The following PCDHA6 variants were observed in gnomAD, a reference collection of about 807,000 sequenced individuals.
The protein encoded by PCDHA6 is protocadherin alpha 6, also known as protocadherin alpha-6.
A neutral mutation model predicts 60.3 loss-of-function variants in PCDHA6; 55 were observed. That is an observed-to-expected ratio of 0.91 (90% CI 0.73 to 1.14). The LOEUF (loss-of-function observed/expected upper bound fraction) is 1.14. Ranked by LOEUF, PCDHA6 falls within the 50% of genes most tolerant of loss-of-function variation. The pLI, the probability that PCDHA6 is intolerant of heterozygous loss-of-function variation, is 0.00. For synonymous variants in PCDHA6, 652 were observed against 557.9 expected, an observed-to-expected ratio of 1.17 and a Z score of -2.38; for missense variants, 1,327 against 1,256.5, an observed-to-expected ratio of 1.06 and a Z score of -0.85.
In PCDHA6 at chr5:140,882,894, G is replaced by A. The variant is rs1554176001; in HGVS notation, c.2394+52409G>A. The A allele has an allele frequency of 5.6e-6, 9 of 1,614,190 alleles. No homozygotes were observed. The East Asian group carries it at 1.3e-4, about 24-fold the overall frequency. The stretch of plus-strand genomic sequence containing the variant: ...GACAGAGAGGAAATTCAGGAACATA[G>A]TTTATTACTGACAGCCAGTGATGGA... On this transcript the variant is annotated intron_variant, in intron 1 of 3. Coordinates refer to ENST00000529310, the MANE Select transcript of PCDHA6 (RefSeq NM_018909.4).
chr5:140,855,736 A>T (rs1422055740), intron 1 of PCDHA6: 3 of 305,736 alleles, frequency 9.8e-6, no homozygotes, highest in African/African-American at 6.5e-5. Context: ...CTATAAAGAG[A>T]CGTAATGTGA....
At chr5:140,931,269 C>T (rs1253190149) in intron 1 of PCDHA6, among the ~76,000 whole-genome samples, 1 of 152,006 alleles carries the variant, frequency 6.6e-6, no homozygotes, top group Non-Finnish European at 1.5e-5. Context: ...CTATTTATTT[C>T]TTTTATTTTC....
chr5:140,952,615 C>T (rs572552032), intron 1 of PCDHA6, among the ~76,000 whole-genome samples: 1 of 152,288 alleles, frequency 6.6e-6, no homozygotes, highest in East Asian at 1.9e-4. Context: ...TCTCCCTCAT[C>T]TTCCCTCCAC....
chr5:140,897,727 T>G (rs1468942464), intron 1 of PCDHA6, among the ~76,000 whole-genome samples: 1 of 152,148 alleles, frequency 6.6e-6, no homozygotes, highest in Non-Finnish European at 1.5e-5. Context: ...CTGGGTCAAA[T>G]AGTATTTCTA....
intron 1 of PCDHA6, chr5:140,856,004 T>C (rs782001586): frequency 6.5e-7 from 1 of 1,538,284 alleles, no homozygotes; most frequent in Non-Finnish European, 8.8e-7. Context: ...GTATGTGCGT[T>C]CTAGACCGCT....
At chr5:140,978,319 A>G (rs1294780698) in intron 1 of PCDHA6, among the ~76,000 whole-genome samples, 2 of 152,216 alleles carry the variant, frequency 1.3e-5, no homozygotes, top group Admixed American at 1.3e-4. Context: ...AGCAGGAACA[A>G]GTACAAGTTT....
rs2150156420 is a variant in PCDHA6 at position 140,828,525 on chromosome 5, C to A, written c.434C>A (p.Ser145Tyr). Residue 145 changes from serine (S) to tyrosine (Y), a missense_variant, in exon 1 of 4, where the codon TCT becomes TAT. Coordinates refer to ENST00000529310, the MANE Select transcript of PCDHA6 (RefSeq NM_018909.4). ...GAACAAAGAGTGCTGATTTACGAAT[C>A]TAGGCTGCCAGATTCTGTGTTTCCA... ...VEEQRVLIYE[S>Y]RLPDSVFPLE... is the part of the protein sequence containing the mutation. 1.9e-6 allele frequency: 3 copies of A among 1,614,244 alleles called. No individual in the cohort carries two copies. Among genetic ancestry groups the A allele is most frequent in the East Asian group, 4.5e-5 (2 of 44,896 alleles).
chr5:140,851,180 A>C lies in PCDHA6; in HGVS notation c.2394+20695A>C, dbSNP rs554158546. 42 of 1,251,052 alleles carry C rather than the reference A, an allele frequency of 3.4e-5. 2 individuals are homozygous for C. In the African/African-American group the frequency reaches 5.9e-4, roughly 18 times the overall value. 77.5% of individuals were successfully genotyped at this position (1,251,052 alleles called of 1,614,324 possible). On this transcript the variant is annotated intron_variant, in intron 1 of 3. Coordinates refer to ENST00000529310, the MANE Select transcript of PCDHA6 (RefSeq NM_018909.4). Reference sequence around the variant, plus strand: ...ATGCTATGCTGCCATAACACTTGAAAACCAATTTAGTTGTTAGTCATTCAT... The same window carrying C: ...ATGCTATGCTGCCATAACACTTGAACACCAATTTAGTTGTTAGTCATTCAT...
intron 1 of PCDHA6, among the ~76,000 whole-genome samples, chr5:140,958,215 T>G (rs1554223379): frequency 6.6e-6 from 1 of 152,132 alleles, no homozygotes; most frequent in Non-Finnish European, 1.5e-5. Context: ...GAATTAGATT[T>G]TAAAGGACTT....
chr5:140,879,468 C>T (rs1302590030), intron 1 of PCDHA6, among the ~76,000 whole-genome samples: 2 of 152,006 alleles, frequency 1.3e-5, no homozygotes, highest in African/African-American at 4.8e-5. Context: ...AAGAGAATAC[C>T]GTTGTGATTG....
chr5:140,878,370 T>G (rs1049956194), intron 1 of PCDHA6, among the ~76,000 whole-genome samples: 1 of 152,272 alleles, frequency 6.6e-6, no homozygotes, highest in Non-Finnish European at 1.5e-5. Context: ...GTCTGACATA[T>G]GATGAATGAT....
chr5:140,870,722 G>A (rs1554164638), intron 1 of PCDHA6: 2 of 1,613,222 alleles, frequency 1.2e-6, no homozygotes, highest in East Asian at 2.2e-5. Context: ...CGCGATGCGG[G>A]CGTGCCGCCT....
At chr5:140,975,963 A>G (rs2096691903) in intron 1 of PCDHA6, among the ~76,000 whole-genome samples, 1 of 152,186 alleles carries the variant, frequency 6.6e-6, no homozygotes, top group Non-Finnish European at 1.5e-5. Flanking sequence ...TTCTTCACCA[A>G]TAGAAAGTAA....
At chr5:140,967,042 G>A (rs781848948) in intron 1 of PCDHA6, 1 of 1,611,904 alleles carries the variant, frequency 6.2e-7, no homozygotes, top group Admixed American at 1.7e-5. Flanking sequence ...ACCTGGAGCT[G>A]GACCTGACGA....
At chr5:140,857,576 C>T in intron 1 of PCDHA6, 1 of 1,596,780 alleles carries the variant, frequency 6.3e-7, no homozygotes, top group African/African-American at 1.3e-5. Flanking sequence ...CGTGTCGGTG[C>T]ACGCGGAGAG....
In PCDHA6 at chr5:141,011,794, G is replaced by A. The variant is rs782200485; in HGVS notation, c.*1857G>A. 2 of 153,664 alleles carry A rather than the reference G, an allele frequency of 1.3e-5. No individual in the cohort carries two copies. The highest frequency in any genetic ancestry group is 2.9e-5 in the Non-Finnish European group (2 of 68,028). The allele number at this position is 153,664 out of a possible 1,614,324, so 9.5% of individuals were successfully genotyped here. ...ATGCTTTGAAATTCTAATGGTATCT[G>A]AAATATCAGCTCATAGAAAGTAACA... On this transcript the variant is annotated 3_prime_UTR_variant, in exon 4 of 4. Coordinates refer to ENST00000529310, the MANE Select transcript of PCDHA6 (RefSeq NM_018909.4).
At chr5:140,975,876 A>G (rs573852863) in intron 1 of PCDHA6, among the ~76,000 whole-genome samples, 1 of 152,230 alleles carries the variant, frequency 6.6e-6, no homozygotes, top group South Asian at 2.1e-4. Context: ...TACCTAATTG[A>G]TTTTTTCCAC....
intron 1 of PCDHA6, chr5:140,882,740 T>A (rs1554175394): frequency 6.2e-7 from 1 of 1,614,198 alleles, no homozygotes; most frequent in African/African-American, 1.3e-5. Flanking sequence ...AGATGGCGCA[T>A]CCGATGCAGA....
intron 1 of PCDHA6, among the ~76,000 whole-genome samples, chr5:140,909,761 TC>T (rs1308608657): frequency 1.3e-5 from 2 of 152,052 alleles, no homozygotes; most frequent in Admixed American, 6.5e-5. Context: ...ACAGGATGAG[TC>T]CAGGGACCCA....
Sources: gnomAD v4.1 joint callset for allele counts (sites outside exome capture counted in the v4.1 genomes callset) on GRCh38, gnomAD v4.1.1 for gene constraint, MANE v1.5 for transcripts, NCBI Gene and HGNC (gene_info 2026-07-23, HGNC 2026-07-21) for gene names.